PTPRD: variants seen among roughly 807,000 people sequenced by gnomAD.
The protein encoded by PTPRD is receptor-type tyrosine-protein phosphatase delta.
PTPRD carries 34 observed loss-of-function variants against 214.5 expected under a neutral mutation model. The ratio of observed to expected loss-of-function variants is 0.16; its 90% CI spans 0.12 to 0.21. PTPRD has a LOEUF of 0.21. Among genes scored for constraint, PTPRD ranks in the 10% least tolerant of loss-of-function variants. The probability of loss-of-function intolerance (pLI) is 1.00; values close to 1 mark genes in which losing one functional copy is unlikely to be tolerated. For missense variants in PTPRD, 2,545 were observed against 2,398.7 expected (o/e 1.06, Z -1.27); for synonymous variants, 1,128 against 845.7 (o/e 1.33, Z -5.79).
intron 14 of PTPRD, among the ~76,000 whole-genome samples, chr9:8,529,141 G>C (rs368922835): frequency 1.3e-5 from 2 of 152,134 alleles, no homozygotes; most frequent in African/African-American, 2.4e-5. Flanking sequence ...AATCGGCCAA[G>C]TCACAAAAAG....
intron 7 of PTPRD, among the ~76,000 whole-genome samples, chr9:9,691,447 T>G (rs757775860): frequency 1.3e-5 from 2 of 152,070 alleles, no homozygotes; most frequent in Non-Finnish European, 2.9e-5. Flanking sequence ...CTATCCATGT[T>G]GTTGCAAATG....
In PTPRD at chr9:9,128,593, T is replaced by C. The variant is rs147228383; in HGVS notation, c.-143+54711A>G. Among the ~76,000 whole-genome samples the C allele has an allele frequency of 4.7e-3, 714 of 152,366 alleles. 5 individuals are homozygous for C. Among genetic ancestry groups the C allele is most frequent in the Admixed American group, 6.5e-3 (100 of 15,300 alleles). On this transcript the variant is annotated intron_variant, in intron 10 of 45. Coordinates refer to ENST00000381196, the MANE Select transcript of PTPRD (RefSeq NM_002839.4). ...TGGGGGCTGTAAGTATAATAGTCTA[T>C]ACATGTAGTTGCTTTAAAAATATAT...
chr9:10,121,555 T>A (rs2098775611), intron 3 of PTPRD, among the ~76,000 whole-genome samples: 1 of 152,170 alleles, frequency 6.6e-6, no homozygotes, highest in South Asian at 2.1e-4. Context: ...ATTTACAGCC[T>A]ATCCAAGAAT....
intron 5 of PTPRD, among the ~76,000 whole-genome samples, chr9:9,842,132 G>A (rs920502853): frequency 1.3e-5 from 2 of 151,774 alleles, no homozygotes; most frequent in Non-Finnish European, 2.9e-5. Flanking sequence ...TAAATCATGA[G>A]TGAAAACTAA....
chr9:8,449,885 A>G (rs768187850), intron 33 of PTPRD, 48 bp from the exon 34 acceptor site: 1 of 1,576,856 alleles, frequency 6.3e-7, no homozygotes, highest in African/African-American at 1.4e-5. Context: ...AATCAATTGA[A>G]ACAGATAGAA....
intron 11 of PTPRD, among the ~76,000 whole-genome samples, chr9:8,951,322 T>C (rs940863140): frequency 1.4e-5 from 1 of 72,918 alleles, no homozygotes; most frequent in Admixed American, 1.3e-4. Flanking sequence ...GGATCCTCCT[T>C]TTTTTTTTTT....
chr9:10,580,740 C>A (rs1488081889), intron 2 of PTPRD, among the ~76,000 whole-genome samples: 1 of 152,096 alleles, frequency 6.6e-6, no homozygotes, highest in Non-Finnish European at 1.5e-5. Context: ...CTCACAGAGA[C>A]AAAGTGATTG....
chr9:9,580,943 T>G (rs2090590603), intron 7 of PTPRD, among the ~76,000 whole-genome samples: 1 of 152,104 alleles, frequency 6.6e-6, no homozygotes, highest in Non-Finnish European at 1.5e-5. Context: ...GTCAGTTGTG[T>G]TGTTGTCAAA....
chr9:8,392,551 C>T (rs969005), intron 36 of PTPRD, among the ~76,000 whole-genome samples: 137,851 of 152,160 alleles, frequency 0.91, 62,499 homozygotes, highest in Middle Eastern at 0.95. Context: ...AATTAATATT[C>T]TGAAAAATAC....
At chr9:10,047,354 T>TGTGTG (rs1567301483) in intron 3 of PTPRD, among the ~76,000 whole-genome samples, 3 of 132,504 alleles carry the variant, frequency 2.3e-5, no homozygotes, top group Non-Finnish European at 3.3e-5. Flanking sequence ...GTGTGTGTGC[T>TGTGTG]TGTGTGATAA....
At chr9:8,646,683 T>A (rs545248219) in intron 12 of PTPRD, among the ~76,000 whole-genome samples, 1 of 152,236 alleles carries the variant, frequency 6.6e-6, no homozygotes, top group African/African-American at 2.4e-5. Context: ...GCTTTCTGTA[T>A]CTTTTATGAA....
intron 3 of PTPRD, among the ~76,000 whole-genome samples, chr9:10,157,465 C>G (rs78451595): frequency 3.3e-5 from 5 of 152,152 alleles, no homozygotes; most frequent in African/African-American, 1.2e-4. Context: ...GGCCTTCAGT[C>G]TCTTCTGGAT....
chr9:9,476,171 C>T (rs2146811520), intron 8 of PTPRD, among the ~76,000 whole-genome samples: 1 of 152,292 alleles, frequency 6.6e-6, no homozygotes, highest in East Asian at 1.9e-4. Context: ...GGTATCAGAA[C>T]AGAATCCCTC....
intron 9 of PTPRD, among the ~76,000 whole-genome samples, chr9:9,342,148 A>G (rs1188565480): frequency 1.3e-5 from 2 of 152,206 alleles, no homozygotes; most frequent in African/African-American, 4.8e-5. Context: ...CATAGAAATG[A>G]CAGGAATATT....
rs531992844 is a variant in PTPRD, at chr9:9,276,560, T to G, written c.-202-93197A>C. On this transcript the variant is annotated intron_variant, in intron 9 of 45. Coordinates refer to ENST00000381196, the MANE Select transcript of PTPRD (RefSeq NM_002839.4). Reference sequence around the variant, plus strand: ...AACTTGTATCATCGTCCTCAGTCACTGGCATGCCATATTCTGCTCCTGTGA... The same window carrying G: ...AACTTGTATCATCGTCCTCAGTCACGGGCATGCCATATTCTGCTCCTGTGA... Among the ~76,000 whole-genome samples the G allele has an allele frequency of 2.0e-5, 3 of 151,406 alleles. No homozygotes were observed. In the South Asian group the frequency reaches 6.2e-4, roughly 31 times the overall value.
intron 28 of PTPRD, 118 bp downstream of exon 28, chr9:8,485,644 T>A (rs1374805118): frequency 1.1e-6 from 1 of 924,206 alleles, no homozygotes; most frequent in Non-Finnish European, 1.6e-6. Flanking sequence ...TTTACCTTTT[T>A]GTTTTTGCTG....
At chr9:10,335,963 C>A (rs1223797371) in intron 3 of PTPRD, among the ~76,000 whole-genome samples, 1 of 151,752 alleles carries the variant, frequency 6.6e-6, no homozygotes, top group African/African-American at 2.4e-5. Flanking sequence ...GGATGTGGAA[C>A]AACAGGAACA....
At chr9:8,484,424 G>C (rs1267010365) in intron 29 of PTPRD, 46 bp from the exon 30 acceptor site, 1 of 1,559,792 alleles carries the variant, frequency 6.4e-7, no homozygotes, top group South Asian at 1.2e-5. Context: ...TATCAGAGAG[G>C]CAAAATATAT....
At chr9:9,231,098 TA>T (rs762421892) in intron 9 of PTPRD, among the ~76,000 whole-genome samples, 27 of 152,178 alleles carry the variant, frequency 1.8e-4, no homozygotes, top group Non-Finnish European at 3.4e-4. Context: ...GGAACAGAGT[TA>T]AAATGCCCGA....
Sources: allele counts gnomAD v4.1 joint callset (sites outside exome capture counted in the v4.1 genomes callset), GRCh38; gene constraint gnomAD v4.1.1; transcripts MANE v1.5; gene names NCBI Gene and HGNC (gene_info 2026-07-23, HGNC 2026-07-21).